The following B3GALT1 variants were observed in gnomAD, a reference collection of about 807,000 sequenced individuals.
B3GALT1 encodes beta-1,3-galactosyltransferase 1, also known as UDP-Gal:betaGlcNAc beta 1,3-galactosyltransferase, polypeptide 1.
A neutral mutation model predicts 23.2 loss-of-function variants in B3GALT1; 10 were observed. The observed-to-expected ratio is 0.43, with a 90% confidence interval of 0.27 to 0.73. The LOEUF (loss-of-function observed/expected upper bound fraction) is 0.73, where lower values mean the gene tolerates loss of function less well. Among genes scored for constraint, B3GALT1 ranks in the 30% least tolerant of loss-of-function variants. The pLI, the probability that B3GALT1 is intolerant of heterozygous loss-of-function variation, is 0.21. For missense variants in B3GALT1, 299 were observed against 405.4 expected (o/e 0.74, Z 2.25); for synonymous variants, 156 against 141.5 (o/e 1.10, Z -0.73).
chr2:167,804,585 T>C (rs1334109754), intron 3 of B3GALT1, among the ~76,000 whole-genome samples: 2 of 152,126 alleles, frequency 1.3e-5, no homozygotes, highest in South Asian at 4.1e-4. Flanking sequence ...GTGTTTGGTT[T>C]TTTGTCCTTG....
At chr2:167,395,870 A>G (rs1221984614) in intron 1 of B3GALT1, among the ~76,000 whole-genome samples, 2 of 152,162 alleles carry the variant, frequency 1.3e-5, no homozygotes, top group South Asian at 2.1e-4. Context: ...TGTTTATTAC[A>G]TACATTGCTG....
intron 1 of B3GALT1, among the ~76,000 whole-genome samples, chr2:167,440,216 G>A (rs1436002567): frequency 5.9e-5 from 9 of 151,674 alleles, no homozygotes; most frequent in East Asian, 3.9e-4. Flanking sequence ...GGTGGCGGGC[G>A]CCTGTAGTCC....
chr2:167,862,066 A>G (rs1426979358), intron 4 of B3GALT1, among the ~76,000 whole-genome samples: 1 of 152,204 alleles, frequency 6.6e-6, no homozygotes, highest in Non-Finnish European at 1.5e-5. Flanking sequence ...GTAACTGGCA[A>G]CCAAGACATA....
chr2:167,668,939 G>T (rs969331427), intron 3 of B3GALT1, among the ~76,000 whole-genome samples: 1 of 152,178 alleles, frequency 6.6e-6, no homozygotes, highest in Non-Finnish European at 1.5e-5. Flanking sequence ...GCTATAGACT[G>T]GAGCTGTTCC....
At position 167,431,154 on chromosome 2, in the gene B3GALT1, G is replaced by A. The variant is rs13026204; in HGVS notation, c.-510-59023G>A. 9.9e-3 allele frequency among the ~76,000 whole-genome samples: 1,503 copies of A among 152,218 alleles called. 22 individuals are homozygous for A. The highest frequency in any genetic ancestry group is 8.6e-3 in the Non-Finnish European group (587 of 68,000). On this transcript the variant is annotated intron_variant, in intron 1 of 4. Transcript: ENST00000392690. ...CAATGAAAATGAAAGAAACAGTCTCGGTTGAATAATCATCCGACCTTCACA... is the reference window on the plus strand; with the variant it reads ...CAATGAAAATGAAAGAAACAGTCTCAGTTGAATAATCATCCGACCTTCACA...
chr2:167,354,097 A>G (rs1373003888), intron 1 of B3GALT1, among the ~76,000 whole-genome samples: 1 of 152,268 alleles, frequency 6.6e-6, no homozygotes, highest in African/African-American at 2.4e-5. Context: ...TCTACCACTT[A>G]TGTGTCAGCT....
chr2:167,507,900 T>G (rs1010116896), intron 2 of B3GALT1, among the ~76,000 whole-genome samples: 2 of 152,198 alleles, frequency 1.3e-5, no homozygotes, highest in African/African-American at 2.4e-5. Flanking sequence ...ACTAGGTGGC[T>G]TATCAACAAC....
chr2:167,802,981 T>A (rs1283747384), intron 3 of B3GALT1, among the ~76,000 whole-genome samples: 1 of 152,138 alleles, frequency 6.6e-6, no homozygotes, highest in Non-Finnish European at 1.5e-5. Context: ...ACATGTGTTA[T>A]TTAGGCTGCA....
At chr2:167,376,727 CT>C (rs200374011) in intron 1 of B3GALT1, among the ~76,000 whole-genome samples, 1 of 151,724 alleles carries the variant, frequency 6.6e-6, no homozygotes, top group Non-Finnish European at 1.5e-5. Flanking sequence ...TGGATCTTCT[CT>C]TTTTTTTACT....
intron 2 of B3GALT1, among the ~76,000 whole-genome samples, chr2:167,625,626 C>T (rs1359744815): frequency 1.3e-5 from 2 of 151,666 alleles, no homozygotes; most frequent in Non-Finnish European, 3.0e-5. Flanking sequence ...TATTTATTTT[C>T]CATGTCAAAG....
intron 1 of B3GALT1, among the ~76,000 whole-genome samples, chr2:167,303,119 C>G (rs946481710): frequency 2.0e-5 from 3 of 152,098 alleles, no homozygotes; most frequent in African/African-American, 7.2e-5. Context: ...ATTGGTTGAT[C>G]ATTGGTTGCC....
chr2:167,728,433 T>G (rs139033772), intron 3 of B3GALT1, among the ~76,000 whole-genome samples: 1 of 152,160 alleles, frequency 6.6e-6, no homozygotes, highest in Non-Finnish European at 1.5e-5. Context: ...TTAAGACAGA[T>G]TGACAAATAA....
chr2:167,345,497 T>A (rs1444480944), intron 1 of B3GALT1, among the ~76,000 whole-genome samples: 2 of 152,134 alleles, frequency 1.3e-5, no homozygotes, highest in African/African-American at 2.4e-5. Context: ...TTTGACAAAA[T>A]TAGTTTTTAA....
chr2:167,618,701 A>C (rs1162067131), intron 2 of B3GALT1, among the ~76,000 whole-genome samples: 1 of 151,952 alleles, frequency 6.6e-6, no homozygotes, highest in East Asian at 1.9e-4. Context: ...GCAGTTCCTT[A>C]GACTCTTGGT....
At chr2:167,534,837 C>T (rs1035685817) in intron 2 of B3GALT1, among the ~76,000 whole-genome samples, 2 of 152,172 alleles carry the variant, frequency 1.3e-5, no homozygotes, top group African/African-American at 4.8e-5. Flanking sequence ...CAAATCTGGA[C>T]TGGCAAATAT....
chr2:167,593,777 C>T (rs969265207), intron 2 of B3GALT1, among the ~76,000 whole-genome samples: 1 of 152,076 alleles, frequency 6.6e-6, no homozygotes, highest in African/African-American at 2.4e-5. Flanking sequence ...CAACACGGAG[C>T]TCAGTGGGAG....
At position 167,563,301 on chromosome 2, in the gene B3GALT1, C is replaced by T. The variant is rs1389438223; in HGVS notation, c.-410+73024C>T. ...GGGGCTCCTCACTTCCCAGTAGGGGCGGCCGGGCAGAGGCGCCCCTCACTT... is the reference window on the plus strand; with the variant it reads ...GGGGCTCCTCACTTCCCAGTAGGGGTGGCCGGGCAGAGGCGCCCCTCACTT... On this transcript the variant is annotated intron_variant, in intron 2 of 4. Coordinates refer to ENST00000392690, the MANE Select transcript of B3GALT1 (RefSeq NM_020981.4). 1.4e-4 allele frequency among the ~76,000 whole-genome samples: 20 copies of T among 144,014 alleles called. No individual in the cohort carries two copies. In the South Asian group the frequency reaches 2.3e-3, roughly 16 times the overall value. 94.5% of individuals were successfully genotyped at this position (144,014 alleles called of 152,430 possible). A position where few individuals can be genotyped will look rare whatever the true frequency, so the allele number is the denominator to read the frequency against.
rs558524178 is a variant in B3GALT1, at chr2:167,715,905, A to G, written c.-352+68939A>G. 49 of 1,613,674 alleles carry G rather than the reference A, an allele frequency of 3.0e-5. No homozygotes were observed. In the South Asian group the frequency reaches 5.3e-4, roughly 17 times the overall value. On this transcript the variant is annotated intron_variant, in intron 3 of 4. Transcript: ENST00000392690. The stretch of plus-strand genomic sequence containing the variant: ...ACTTCTCCACAAAAAAAGGAGAACA[A>G]CAAAAAATCCAACAACAGCTGCGCA...
chr2:167,838,020 C>A (rs1299573412), intron 4 of B3GALT1, among the ~76,000 whole-genome samples: 3 of 150,576 alleles, frequency 2.0e-5, no homozygotes, highest in Non-Finnish European at 4.5e-5. Context: ...GGGACACATT[C>A]AAAGCAGTGT....
Sources: allele counts gnomAD v4.1 joint callset (sites outside exome capture counted in the v4.1 genomes callset), GRCh38; gene constraint gnomAD v4.1.1; transcripts MANE v1.5; gene names NCBI Gene and HGNC (gene_info 2026-07-23, HGNC 2026-07-21).